The following CDH3 variants were observed in gnomAD, a reference collection of about 807,000 sequenced individuals.
CDH3 encodes cadherin 3.
Under a neutral mutation model 82.0 loss-of-function variants are expected in CDH3, and 54 were observed. The ratio of observed to expected loss-of-function variants is 0.66; its 90% CI spans 0.53 to 0.83. The LOEUF (loss-of-function observed/expected upper bound fraction) is 0.83. Among genes scored for constraint, CDH3 ranks in the 40% least tolerant of loss-of-function variants. CDH3 has a pLI of 0.00. For synonymous variants in CDH3, 446 were observed against 437.9 expected, an observed-to-expected ratio of 1.02 and a Z score of -0.23; for missense variants, 1,054 against 1,084.6, an observed-to-expected ratio of 0.97 and a Z score of 0.40.
At chr16:68,680,909 C>A in intron 7 of CDH3, 59 bp from the exon 8 acceptor site, 4 of 1,604,456 alleles carry the variant, frequency 2.5e-6, no homozygotes, top group South Asian at 2.2e-5. Context: ...TCCTGGAGGT[C>A]AGGGGAGGGA....
At chr16:68,646,051 G>A in intron 2 of CDH3, 1 of 441,952 alleles carries the variant, frequency 2.3e-6, no homozygotes, top group South Asian at 2.7e-5. Context: ...GTTCTCCCCC[G>A]CTGGCCCCAG....
intron 2 of CDH3, among the ~76,000 whole-genome samples, chr16:68,649,136 ACAGTGGT>A (rs1487512648): frequency 2.6e-5 from 4 of 152,104 alleles, no homozygotes; most frequent in Non-Finnish European, 5.9e-5. Context: ...TGAGTGACCT[ACAGTGGT>A]CTACTCATCC....
At position 68,649,242 on chromosome 16, in the gene CDH3, ACAGT is replaced by A. The variant is rs1597787778; in HGVS notation, c.160+3496_160+3499del. Among the ~76,000 whole-genome samples, 5 of 152,296 alleles carry A rather than the reference ACAGT, an allele frequency of 3.3e-5. No homozygotes were observed. The East Asian group carries it at 9.7e-4, about 29-fold the overall frequency. The stretch of plus-strand genomic sequence containing the variant: ...GGCCTTCAGCAGGATCATCTGACCC[ACAGT>A]CAGCCTTTGGGTCAGATTAAAAACT... On this transcript the variant is annotated intron_variant, in intron 2 of 15. Coordinates refer to ENST00000264012, the MANE Select transcript of CDH3 (RefSeq NM_001793.6).
chr16:68,724,882 GA>G (rs1186689137), intron 2 of CDH3, among the ~76,000 whole-genome samples: 3 of 152,252 alleles, frequency 2.0e-5, no homozygotes, highest in Non-Finnish European at 4.4e-5. Context: ...GGGCTAGGCT[GA>G]ACTTGGCAGG....
chr16:68,645,656 G>C lies in CDH3; in HGVS notation c.66G>C (p.Ala22=). Residue 22 remains alanine, a synonymous_variant, in exon 2 of 16, where the codon GCG becomes GCC. Coordinates refer to ENST00000264012, the MANE Select transcript of CDH3 (RefSeq NM_001793.6). ...CGCAGGTTTGCTGGCTGCAGTGCGC[G>C]GCCTCCGAGCCGTGCCGGGCGGTCT... is the stretch of plus-strand genomic sequence containing the variant. ...LLLQVCWLQC[A]ASEPCRAVFR... 1 of 1,543,170 alleles carries C rather than the reference G, an allele frequency of 6.5e-7. No individual in the cohort carries two copies. Among genetic ancestry groups the C allele is most frequent in the Non-Finnish European group, 8.7e-7 (1 of 1,146,602 alleles).
At chr16:68,671,521 C>CTTTTTT (rs34475405) in intron 2 of CDH3, among the ~76,000 whole-genome samples, 3 of 122,014 alleles carry the variant, frequency 2.5e-5, no homozygotes, top group Non-Finnish European at 5.0e-5. Context: ...TTCATTTTAC[C>CTTTTTT]TTTTTTTTTT....
rs1313761062 is a variant in CDH3, at chr16:68,678,509, TA to T, written c.401del (p.Asn134IlefsTer27). The T allele has an allele frequency of 2.5e-6, 4 of 1,614,078 alleles. No homozygotes were observed. The highest frequency in any genetic ancestry group is 3.4e-6 in the Non-Finnish European group (4 of 1,180,048). ...TTTTCTTTTCCCTCCAGCTCAAGTC[TA>T]ATAAAGATAGAGACACCAAGATTTT... ...FPQRLNQLKSNKDRDTKIFYS... is the reference protein window; with the variant it reads ...FPQRLNQLKSXKDRDTKIFYS... On this transcript the variant is annotated frameshift_variant, in exon 5 of 16. Coordinates refer to ENST00000264012, the MANE Select transcript of CDH3 (RefSeq NM_001793.6). LOFTEE classifies it high-confidence loss of function.
chr16:68,697,988 C>T, intron 15 of CDH3: 2 of 644,582 alleles, frequency 3.1e-6, no homozygotes, highest in South Asian at 1.8e-5. Context: ...CTTGCCCTTA[C>T]CCCCTGGCCT....
At chr16:68,694,729 G>T (rs1329170931) in intron 13 of CDH3, among the ~76,000 whole-genome samples, 3 of 152,138 alleles carry the variant, frequency 2.0e-5, no homozygotes, top group Non-Finnish European at 4.4e-5. Flanking sequence ...CTAATTAGGG[G>T]ACATCTGGTG....
Position 68,678,857 on chromosome 16 carries a change from G to A in CDH3, c.642G>A (p.Lys214=), listed in dbSNP as rs770108268. ...CCGACCAGAATGACCACAAGCCCAA[G>A]TTTACCCAGGACACCTTCCGAGGGA... ...IVTDQNDHKP[K]FTQDTFRGSV... is the part of the protein sequence containing the mutation. Residue 214 remains lysine (K), a synonymous_variant, in exon 6 of 16, where the codon AAG becomes AAA. Transcript: ENST00000264012. 91 of 1,613,970 alleles carry A rather than the reference G, an allele frequency of 5.6e-5. No individual in the cohort carries two copies. The highest frequency in any genetic ancestry group is 6.9e-5 in the Non-Finnish European group (81 of 1,180,036).
intron 2 of CDH3, chr16:68,646,188 G>A: frequency 5.1e-6 from 1 of 196,846 alleles, no homozygotes; most frequent in Non-Finnish European, 1.0e-5. Context: ...GTCTCCGACA[G>A]ACAGACCGGG....
chr16:68,706,116 A>T (rs567470120), intron 1 of CDH3, among the ~76,000 whole-genome samples: 1 of 151,324 alleles, frequency 6.6e-6, no homozygotes, highest in Non-Finnish European at 1.5e-5. Flanking sequence ...CTGCAGGTAG[A>T]TATATGTGTA....
At chr16:68,682,890 A>G (rs1961271809) in intron 9 of CDH3, among the ~76,000 whole-genome samples, 1 of 152,172 alleles carries the variant, frequency 6.6e-6, no homozygotes. Context: ...TGCCTCTCAA[A>G]AAGTCTCTTT....
chr16:68,692,474 G>A (rs926845815), intron 13 of CDH3, among the ~76,000 whole-genome samples: 3 of 152,178 alleles, frequency 2.0e-5, no homozygotes, highest in East Asian at 1.9e-4. Context: ...GGAGGGGCCC[G>A]CACAGTGGTT....
chr16:68,724,476 C>T (rs1962197894), intron 2 of CDH3, among the ~76,000 whole-genome samples: 1 of 151,740 alleles, frequency 6.6e-6, no homozygotes, highest in African/African-American at 2.4e-5. Context: ...AAATTAAAAA[C>T]TTAGCCAGGC....
rs778024642 is a variant in CDH3 at position 68,691,944 on chromosome 16, A to AC, written c.2002+23dup. 2.5e-6 allele frequency: 4 copies of AC among 1,597,782 alleles called. No individual in the cohort carries two copies. The African/African-American group carries it at 5.4e-5, about 21-fold the overall frequency. On this transcript the variant is annotated intron_variant, in intron 13 of 15. Transcript: ENST00000264012. ...TCTGCTGTGTGAGTACCAGGCCCCC[A>AC]CCCCCTCCCTGAGGATGGGGGAGTT...
At chr16:68,690,980 A>G (rs1337639613) in intron 12 of CDH3, among the ~76,000 whole-genome samples, 2 of 151,214 alleles carry the variant, frequency 1.3e-5, no homozygotes, top group Non-Finnish European at 2.9e-5. Flanking sequence ...TGCTCTGTCT[A>G]TGGAGTAGCC....
chr16:68,660,293 CTAAA>C (rs1960527255), intron 2 of CDH3, among the ~76,000 whole-genome samples: 1 of 152,132 alleles, frequency 6.6e-6, no homozygotes, highest in Non-Finnish European at 1.5e-5. Context: ...TTATGACTAT[CTAAA>C]TAATAGTCAA....
intron 2 of CDH3, among the ~76,000 whole-genome samples, chr16:68,727,055 G>A (rs1278636015): frequency 2.0e-5 from 3 of 152,196 alleles, no homozygotes; most frequent in Non-Finnish European, 1.5e-5. Context: ...CCACACCCAC[G>A]TGGATGGGCA....
Sources: allele counts gnomAD v4.1 joint callset (sites outside exome capture counted in the v4.1 genomes callset), GRCh38; gene constraint gnomAD v4.1.1; transcripts MANE v1.5; gene names NCBI Gene and HGNC (gene_info 2026-07-23, HGNC 2026-07-21).